ACKR3: variants seen among roughly 807,000 people sequenced by gnomAD.
The protein encoded by ACKR3 is C-X-C chemokine receptor type 7.
ACKR3 carries 6 observed loss-of-function variants against 22.4 expected under a neutral mutation model. The ratio of observed to expected loss-of-function variants is 0.27; its 90% CI spans 0.15 to 0.53. ACKR3 has a LOEUF of 0.53. Among genes scored for constraint, ACKR3 ranks in the 20% least tolerant of loss-of-function variants. The pLI is 0.96. For synonymous variants in ACKR3, 209 were observed against 205.2 expected (o/e 1.02, Z -0.16); for missense variants, 396 against 475.2 (o/e 0.83, Z 1.55).
the ACKR3 span, among the ~76,000 whole-genome samples, chr2:236,550,297 G>A: frequency 2.0e-5 from 3 of 152,216 alleles, no homozygotes; most frequent in Non-Finnish European, 2.9e-5. This position sits in a 1 kb window ranked among gnomAD's most constrained non-coding sequence, Gnocchi z 4.6. Context: ...GACGAGGTCC[G>A]CATGGGAGAT....
intron 1 of ACKR3, among the ~76,000 whole-genome samples, chr2:236,571,050 A>C (rs1213096355): frequency 6.6e-6 from 1 of 152,140 alleles, no homozygotes; most frequent in East Asian, 1.9e-4. Flanking sequence ...GTGTCCCTTT[A>C]TTTATTCCAG....
intron 1 of ACKR3, among the ~76,000 whole-genome samples, chr2:236,576,629 A>G (rs1020694664): frequency 6.6e-6 from 1 of 152,246 alleles, no homozygotes; most frequent in Non-Finnish European, 1.5e-5. Context: ...GTGGACGCAC[A>G]ACCATCAGTG....
chr2:236,549,608 G>A, the ACKR3 span, among the ~76,000 whole-genome samples: 2 of 152,146 alleles, frequency 1.3e-5, no homozygotes, highest in African/African-American at 4.8e-5. The surrounding 1 kb of genome is among the most constrained non-coding windows in gnomAD (Gnocchi z 5.3). Context: ...TGTTCATTAG[G>A]GCAGCACCCT....
chr2:236,566,793 GTTGCTTTCTTTC>G (rs1327099084), upstream of ACKR3, among the ~76,000 whole-genome samples: 8 of 125,768 alleles, frequency 6.4e-5, no homozygotes, highest in East Asian at 1.0e-3. Context: ...GCCTTTCTCT[GTTGCTTTCTTTC>G]TTGCTTTCTT....
the ACKR3 span, among the ~76,000 whole-genome samples, chr2:236,538,392 C>T: frequency 1.9e-4 from 29 of 152,342 alleles, no homozygotes; most frequent in African/African-American, 6.3e-4. Context: ...AGGATCCATC[C>T]GAGTCAGAGA....
At chr2:236,556,749 T>A in the ACKR3 span, among the ~76,000 whole-genome samples, 10 of 152,342 alleles carry the variant, frequency 6.6e-5, 1 homozygote, top group Admixed American at 4.6e-4. Context: ...AATGCCATGT[T>A]GTGATCTCCG....
the ACKR3 span, among the ~76,000 whole-genome samples, chr2:236,546,728 G>C: frequency 6.6e-6 from 1 of 152,228 alleles, no homozygotes; most frequent in Non-Finnish European, 1.5e-5. This position sits in a 1 kb window ranked among gnomAD's most constrained non-coding sequence, Gnocchi z 4.9. Flanking sequence ...GGGATGGGGA[G>C]CCTCGTTCAG....
At chr2:236,555,820 GA>G in the ACKR3 span, among the ~76,000 whole-genome samples, 10,186 of 133,744 alleles carry the variant, frequency 0.076, 1,003 homozygotes, top group African/African-American at 0.22. Flanking sequence ...TACCTTAAAG[GA>G]AAAAAAAAAA....
chr2:236,539,925 T>C, the ACKR3 span, among the ~76,000 whole-genome samples: 1 of 152,130 alleles, frequency 6.6e-6, no homozygotes. Context: ...TCAGATCTCA[T>C]GAGATTTATT....
At chr2:236,569,130 T>A (rs367795325), upstream of ACKR3, among the ~76,000 whole-genome samples, 2 of 152,226 alleles carry the variant, frequency 1.3e-5, no homozygotes, top group African/African-American at 2.4e-5. Flanking sequence ...AAAGACATTA[T>A]CAAAAGGCAT....
At chr2:236,545,996 C>T in the ACKR3 span, among the ~76,000 whole-genome samples, 1 of 152,246 alleles carries the variant, frequency 6.6e-6, no homozygotes, top group South Asian at 2.1e-4. The surrounding 1 kb of genome is among the most constrained non-coding windows in gnomAD (Gnocchi z 5.3). Flanking sequence ...AAGGAGGGGC[C>T]ACGTTTCACC....
At chr2:236,558,191 G>T in the ACKR3 span, among the ~76,000 whole-genome samples, 24 of 152,316 alleles carry the variant, frequency 1.6e-4, no homozygotes, top group East Asian at 3.9e-3. Context: ...ATGCATCTCC[G>T]TGCCTGCTCC....
At chr2:236,554,783 C>T in the ACKR3 span, among the ~76,000 whole-genome samples, 2 of 152,240 alleles carry the variant, frequency 1.3e-5, no homozygotes, top group African/African-American at 2.4e-5. Context: ...AAAACCCTTC[C>T]TCCTGCTGTA....
At chr2:236,543,941 G>GTATATATATATATA in the ACKR3 span, among the ~76,000 whole-genome samples, 3 of 57,754 alleles carry the variant, frequency 5.2e-5, no homozygotes, top group South Asian at 9.1e-4. Flanking sequence ...TGGGAGAAGG[G>GTATATATATATATA]TATATATATA....
At chr2:236,553,309 A>G in the ACKR3 span, among the ~76,000 whole-genome samples, 3 of 152,242 alleles carry the variant, frequency 2.0e-5, no homozygotes, top group Non-Finnish European at 4.4e-5. Flanking sequence ...CTGGAGGGGC[A>G]GATGGAAGAG....
At chr2:236,563,136 T>C (rs1260127366), upstream of ACKR3, among the ~76,000 whole-genome samples, 7 of 152,244 alleles carry the variant, frequency 4.6e-5, no homozygotes, top group African/African-American at 1.7e-4. Context: ...TCAAAGTATA[T>C]GTGTTAAGTT....
At chr2:236,552,459 G>A in the ACKR3 span, among the ~76,000 whole-genome samples, 2 of 152,198 alleles carry the variant, frequency 1.3e-5, no homozygotes, top group Non-Finnish European at 2.9e-5. Flanking sequence ...TTTGGTGTCT[G>A]TCCTCCCAGT....
upstream of ACKR3, among the ~76,000 whole-genome samples, chr2:236,565,059 C>T (rs991528603): frequency 1.3e-5 from 2 of 152,090 alleles, no homozygotes; most frequent in African/African-American, 2.4e-5. Flanking sequence ...AGCCTTGGAA[C>T]GTATATCTGT....
chr2:236,572,113 C>G (rs1391211991), intron 1 of ACKR3, among the ~76,000 whole-genome samples: 1 of 152,152 alleles, frequency 6.6e-6, no homozygotes, highest in Non-Finnish European at 1.5e-5. Context: ...CAGAAATAGA[C>G]AGATCAGGAC....
Sources: allele counts gnomAD v4.1 joint callset (sites outside exome capture counted in the v4.1 genomes callset), GRCh38; gene constraint gnomAD v4.1.1; non-coding constraint Gnocchi (gnomAD v3.1); transcripts MANE v1.5; gene names NCBI Gene and HGNC (gene_info 2026-07-23, HGNC 2026-07-21).